Variants in GALNTL6 observed in about 807,000 individuals in gnomAD.
The protein encoded by GALNTL6 is polypeptide N-acetylgalactosaminyltransferase-like 6.
In GALNTL6, 46 loss-of-function variants were observed where a neutral mutation model predicts 73.7. That is an observed-to-expected ratio of 0.62 (90% CI 0.49 to 0.80). GALNTL6 has a LOEUF of 0.80. GALNTL6 is among the 30% of genes least tolerant of loss of function. GALNTL6 has a pLI of 0.00. For synonymous variants in GALNTL6, 259 were observed against 263.7 expected (o/e 0.98, Z 0.17); for missense variants, 604 against 755.0 (o/e 0.80, Z 2.34).
chr4:172,995,205 AT>A (rs1197973036), intron 10 of GALNTL6, among the ~76,000 whole-genome samples: 1 of 152,232 alleles, frequency 6.6e-6, no homozygotes, highest in East Asian at 1.9e-4. Context: ...TAGAAAAAAA[AT>A]GACAGGAATA....
intron 5 of GALNTL6, among the ~76,000 whole-genome samples, chr4:172,765,179 C>G (rs1738335840): frequency 6.6e-6 from 1 of 152,042 alleles, no homozygotes; most frequent in Non-Finnish European, 1.5e-5. Flanking sequence ...AAAATGAAAC[C>G]AGCAACACAG....
intron 2 of GALNTL6, among the ~76,000 whole-genome samples, chr4:172,051,280 G>C (rs1465872815): frequency 6.6e-6 from 1 of 152,120 alleles, no homozygotes; most frequent in Non-Finnish European, 1.5e-5. Flanking sequence ...GATTTCCAAA[G>C]CCCAAGTGGG....
intron 8 of GALNTL6, among the ~76,000 whole-genome samples, chr4:172,903,770 G>T (rs1198738798): frequency 6.6e-6 from 1 of 152,136 alleles, no homozygotes; most frequent in African/African-American, 2.4e-5. Context: ...TGCAGTAATA[G>T]AATCCTTTCG....
intron 5 of GALNTL6, among the ~76,000 whole-genome samples, chr4:172,687,415 G>A (rs887977553): frequency 3.3e-5 from 5 of 151,864 alleles, no homozygotes; most frequent in Non-Finnish European, 5.9e-5. Context: ...GGATCACCAG[G>A]TCAGAAGTTC....
At chr4:172,295,188 G>A (rs6553620) in intron 3 of GALNTL6, among the ~76,000 whole-genome samples, 23,754 of 152,102 alleles carry the variant, frequency 0.16, 1,990 homozygotes, top group East Asian at 0.36. Context: ...TTGGGAGGCC[G>A]AGGTGGGTGG....
At chr4:172,068,459 T>G (rs1731421423) in intron 2 of GALNTL6, among the ~76,000 whole-genome samples, 1 of 109,856 alleles carries the variant, frequency 9.1e-6, no homozygotes, top group African/African-American at 3.4e-5. Context: ...TTATAGAACA[T>G]GCTGATCTGT....
chr4:173,031,525 A>G (rs1312167634), intron 12 of GALNTL6, among the ~76,000 whole-genome samples: 1 of 152,176 alleles, frequency 6.6e-6, no homozygotes, highest in Non-Finnish European at 1.5e-5. Flanking sequence ...TAGGTACTTA[A>G]TTCAAATTCA....
At chr4:172,138,216 G>C (rs1387085978) in intron 2 of GALNTL6, among the ~76,000 whole-genome samples, 1 of 151,488 alleles carries the variant, frequency 6.6e-6, no homozygotes, top group Non-Finnish European at 1.5e-5. Flanking sequence ...TTTGTAAAAT[G>C]AAGCTAAATG....
intron 2 of GALNTL6, among the ~76,000 whole-genome samples, chr4:171,989,175 G>T (rs1274249736): frequency 6.6e-6 from 1 of 152,120 alleles, no homozygotes; most frequent in Non-Finnish European, 1.5e-5. Flanking sequence ...AATATGGAGT[G>T]AGTAGCCTCC....
intron 5 of GALNTL6, among the ~76,000 whole-genome samples, chr4:172,716,065 C>T (rs747987973): frequency 6.6e-6 from 1 of 151,752 alleles, no homozygotes; most frequent in Non-Finnish European, 1.5e-5. Context: ...TGCTCCCGCA[C>T]CCCACCCCAA....
At chr4:171,846,053 A>G (rs1053809978) in intron 2 of GALNTL6, among the ~76,000 whole-genome samples, 4 of 152,170 alleles carry the variant, frequency 2.6e-5, no homozygotes, top group South Asian at 4.1e-4. Context: ...TAACTGTCAT[A>G]TTGCCTTTCC....
At chr4:172,201,508 T>A (rs1735953497) in intron 2 of GALNTL6, among the ~76,000 whole-genome samples, 1 of 127,776 alleles carries the variant, frequency 7.8e-6, no homozygotes, top group Admixed American at 7.5e-5. Flanking sequence ...CCGGGACTAG[T>A]TTTTTTTTTT....
intron 3 of GALNTL6, among the ~76,000 whole-genome samples, chr4:172,239,922 AG>A (rs1248449913): frequency 1.3e-5 from 2 of 152,304 alleles, no homozygotes; most frequent in Admixed American, 6.5e-5. Flanking sequence ...TTCTGCTGAA[AG>A]GTCTGCTTTT....
At chr4:172,060,805 G>C (rs931498658) in intron 2 of GALNTL6, among the ~76,000 whole-genome samples, 1 of 152,116 alleles carries the variant, frequency 6.6e-6, no homozygotes, top group Non-Finnish European at 1.5e-5. Context: ...ATTTTTCTGC[G>C]TGGATGAATG....
intron 2 of GALNTL6, among the ~76,000 whole-genome samples, chr4:171,930,314 A>G (rs189846101): frequency 4.2e-4 from 64 of 152,378 alleles, no homozygotes; most frequent in Non-Finnish European, 7.3e-5. Context: ...GACCTCACTG[A>G]TGAAAATCAC....
chr4:172,156,548 T>TATATATATATATATAATATATATA (rs869091715), intron 2 of GALNTL6, among the ~76,000 whole-genome samples: 5 of 64,534 alleles, frequency 7.7e-5, no homozygotes, highest in Non-Finnish European at 1.6e-4. Context: ...ATAATATATA[T>TATATATATATATATAATATATATA]ATATATATAT....
intron 7 of GALNTL6, among the ~76,000 whole-genome samples, chr4:172,871,209 G>T (rs540533717): frequency 6.6e-6 from 1 of 152,136 alleles, no homozygotes; most frequent in African/African-American, 2.4e-5. Flanking sequence ...CCCAGCTTTT[G>T]TCCCTTCCTC....
At chr4:172,144,465 TC>T (rs1317356266) in intron 2 of GALNTL6, among the ~76,000 whole-genome samples, 1 of 152,038 alleles carries the variant, frequency 6.6e-6, no homozygotes, top group Non-Finnish European at 1.5e-5. Flanking sequence ...ATCCAAAAAA[TC>T]AGGAAAAAAT....
chr4:172,156,566 T>TAC (rs202128867), intron 2 of GALNTL6, among the ~76,000 whole-genome samples: 1 of 102,036 alleles, frequency 9.8e-6, no homozygotes, highest in Admixed American at 9.9e-5. Flanking sequence ...TATATATATA[T>TAC]ACATACTATA....
Sources: gnomAD v4.1 joint callset for allele counts (sites outside exome capture counted in the v4.1 genomes callset) on GRCh38, gnomAD v4.1.1 for gene constraint, MANE v1.5 for transcripts, NCBI Gene and HGNC (gene_info 2026-07-23, HGNC 2026-07-21) for gene names.